POLE4: variants seen among roughly 807,000 people sequenced by gnomAD.
POLE4 encodes DNA polymerase epsilon 4, accessory subunit, also known as DNA polymerase epsilon subunit 4.
POLE4 carries 15 observed loss-of-function variants against 15.6 expected under a neutral mutation model. The observed-to-expected ratio is 0.96, with a 90% CI of 0.64 to 1.48. The LOEUF is 1.48. POLE4 is among the 40% of genes most tolerant of loss of function. POLE4 has a pLI of 0.00. For missense variants in POLE4, 205 were observed against 151.9 expected, an observed-to-expected ratio of 1.35 and a Z score of -1.84; for synonymous variants, 83 against 63.2, an observed-to-expected ratio of 1.31 and a Z score of -1.49.
At chr2:74,960,843 A>G (rs937321924) in intron 3 of POLE4, among the ~76,000 whole-genome samples, 2 of 152,218 alleles carry the variant, frequency 1.3e-5, no homozygotes, top group Admixed American at 6.5e-5. Context: ...CCAGTGAGGT[A>G]GTGGTCATAA....
rs1184080681 is a variant in POLE4, at chr2:74,958,779, C to G, written c.100C>G (p.Pro34Ala). The change falls in exon 1 of 4, where the codon CCT becomes GCT. Residue 34 changes from proline (P) to alanine (A), a missense_variant. Transcript: ENST00000483063. Reference protein sequence around the residue: ...ASQPQAPTSVPGARLSRLPLA... With the variant: ...ASQPQAPTSVAGARLSRLPLA... Reference sequence around the variant, plus strand: ...GCAGCCCCAGGCCCCAACGAGTGTGCCTGGGGCTCGTCTCTCGAGGTTGCC... The same window carrying G: ...GCAGCCCCAGGCCCCAACGAGTGTGGCTGGGGCTCGTCTCTCGAGGTTGCC... The G allele has an allele frequency of 3.5e-5, 54 of 1,550,264 alleles. No homozygotes were observed. Among genetic ancestry groups the G allele is most frequent in the Non-Finnish European group, 4.4e-5 (51 of 1,146,482 alleles).
intron 3 of POLE4, among the ~76,000 whole-genome samples, chr2:74,965,218 C>G (rs1045213981): frequency 1.3e-5 from 2 of 151,370 alleles, no homozygotes; most frequent in East Asian, 3.9e-4. Flanking sequence ...CTCAGCCTCT[C>G]GAGTAGCTGG....
chr2:74,960,231 G>A, intron 3 of POLE4, 85 bp downstream of exon 3: 1 of 1,142,900 alleles, frequency 8.7e-7, no homozygotes, highest in South Asian at 1.2e-5. Flanking sequence ...ACGGATGCCT[G>A]CTTCTTGTTT....
chr2:74,959,100 CT>C (rs1167242267), intron 1 of POLE4: 1 of 611,126 alleles, frequency 1.6e-6, no homozygotes, highest in Non-Finnish European at 2.9e-6. Context: ...TAGTGAGTGA[CT>C]TTAATTTGTA....
intron 3 of POLE4, among the ~76,000 whole-genome samples, chr2:74,963,143 T>C (rs1254679300): frequency 6.6e-6 from 1 of 152,244 alleles, no homozygotes; most frequent in African/African-American, 2.4e-5. Context: ...GTATAAAATA[T>C]ATAATACTGC....
intron 3 of POLE4, among the ~76,000 whole-genome samples, chr2:74,969,198 G>A (rs1461710027): frequency 2.6e-5 from 4 of 152,002 alleles, no homozygotes; most frequent in East Asian, 3.9e-4. Context: ...TAGCTCTTCC[G>A]ACTAGTATGC....
chr2:74,963,222 C>T (rs1671249451), intron 3 of POLE4, among the ~76,000 whole-genome samples: 1 of 152,162 alleles, frequency 6.6e-6, no homozygotes, highest in African/African-American at 2.4e-5. Context: ...TCCTGTATTC[C>T]AATTCACGTT....
chr2:74,969,942 T>C lies in POLE4; in HGVS notation c.*520T>C, dbSNP rs1372955709. On this transcript the variant is annotated 3_prime_UTR_variant, in exon 4 of 4. Coordinates refer to ENST00000483063, the MANE Select transcript of POLE4 (RefSeq NM_019896.4). ...TTGCCCTCAGGAGTTCAAATAAATA[T>C]GGTCCTAGATTGAAAGCCAGTTAAA... 1.3e-5 allele frequency: 2 copies of C among 154,202 alleles called. No individual in the cohort carries two copies. The highest frequency in any genetic ancestry group is 4.8e-5 in the African/African-American group (2 of 41,488). The allele number at this position is 154,202 out of a possible 1,614,324, so 9.6% of individuals were successfully genotyped here.
At chr2:74,963,328 G>A (rs564526987) in intron 3 of POLE4, among the ~76,000 whole-genome samples, 1 of 152,100 alleles carries the variant, frequency 6.6e-6, no homozygotes, top group African/African-American at 2.4e-5. Context: ...GTTATTGAAT[G>A]TAAGTGATAG....
chr2:74,968,265 G>GT (rs1671321885), intron 3 of POLE4, among the ~76,000 whole-genome samples: 2 of 151,880 alleles, frequency 1.3e-5, no homozygotes, highest in African/African-American at 4.8e-5. Context: ...TAAATTAGAA[G>GT]TGTTTTTGCT....
chr2:74,960,447 T>A, intron 3 of POLE4: 2 of 472,068 alleles, frequency 4.2e-6, no homozygotes, highest in East Asian at 4.4e-5. Flanking sequence ...TCCCTAAATG[T>A]CAGGCTTGCC....
chr2:74,960,569 T>C (rs1189453457), intron 3 of POLE4: 1 of 501,640 alleles, frequency 2.0e-6, no homozygotes, highest in East Asian at 5.5e-5. Flanking sequence ...CAATAAGACT[T>C]GTACTTGTCT....
At chr2:74,959,584 G>C in intron 2 of POLE4, 159 bp downstream of exon 2, 2 of 581,904 alleles carry the variant, frequency 3.4e-6, no homozygotes, top group Non-Finnish European at 6.2e-6. Context: ...CCTACCTGTA[G>C]AGGCTGTCTG....
intron 3 of POLE4, among the ~76,000 whole-genome samples, chr2:74,969,023 T>G (rs1671330673): frequency 6.6e-6 from 1 of 152,212 alleles, no homozygotes; most frequent in Admixed American, 6.5e-5. Flanking sequence ...GCATACGTAC[T>G]TGTGGGCCCA....
At chr2:74,964,953 T>G (rs993612941) in intron 3 of POLE4, among the ~76,000 whole-genome samples, 4 of 152,202 alleles carry the variant, frequency 2.6e-5, no homozygotes, top group African/African-American at 9.6e-5. Flanking sequence ...CTAGTAATTA[T>G]GCTTACTGTA....
At chr2:74,966,060 C>A (rs1452415986) in intron 3 of POLE4, among the ~76,000 whole-genome samples, 1 of 125,224 alleles carries the variant, frequency 8.0e-6, no homozygotes, top group East Asian at 2.3e-4. Flanking sequence ...TTTTTTTTTT[C>A]TCTCAATTTT....
Position 74,959,324 on chromosome 2 carries a change from G to C in POLE4, c.214-17G>C. 6.3e-7 allele frequency: 1 copy of C among 1,589,902 alleles called. No individual in the cohort carries two copies. Among genetic ancestry groups the C allele is most frequent in the South Asian group, 1.1e-5 (1 of 90,386 alleles). On this transcript the variant is annotated splice_polypyrimidine_tract_variant and intron_variant, in intron 1 of 3. Transcript: ENST00000483063. ...TGTTAGAACCCATTACTAAAACTTTGCTTTTTTACTTCACAGGAACTGTTT... is the reference window on the plus strand; with the variant it reads ...TGTTAGAACCCATTACTAAAACTTTCCTTTTTTACTTCACAGGAACTGTTT...
rs1168774135 is a variant in POLE4 at position 74,969,670 on chromosome 2, G to A, written c.*248G>A. On this transcript the variant is annotated 3_prime_UTR_variant, in exon 4 of 4. Transcript: ENST00000483063. ...GCTGCTTAGAGCAGAGATGAAGAAA[G>A]TGTTCTGCATAAGTGGCTTCCTGAA... 1.8e-6 allele frequency: 1 copy of A among 552,320 alleles called. No individual in the cohort carries two copies. The highest frequency in any genetic ancestry group is 3.3e-6 in the Non-Finnish European group (1 of 306,686). 34.2% of individuals were successfully genotyped at this position (552,320 alleles called of 1,614,324 possible).
At position 74,969,418 on chromosome 2, in the gene POLE4, A is replaced by G. The variant is rs1254900368; in HGVS notation, c.350A>G (p.Asp117Gly). The change falls in exon 4 of 4, where the codon GAT (aspartate) becomes GGT (glycine). Residue 117 changes from aspartate to glycine, a missense_variant. Asp to Gly is a moderately conservative substitution (Grantham distance 94). Transcript: ENST00000483063. ...DEFAFLEGTL[D>G] ...CTCTTTGTATGTTTAGGTACTTTAG[A>G]TTGATTGCCGAGCGGGGCAGTTTTG... The G allele has an allele frequency of 1.2e-6, 2 of 1,613,672 alleles. No individual in the cohort carries two copies. The highest frequency in any genetic ancestry group is 1.7e-6 in the Non-Finnish European group (2 of 1,179,728).
Sources: allele counts gnomAD v4.1 joint callset (sites outside exome capture counted in the v4.1 genomes callset), GRCh38; gene constraint gnomAD v4.1.1; transcripts MANE v1.5; gene names NCBI Gene and HGNC (gene_info 2026-07-23, HGNC 2026-07-21).